The following GIT2 variants were observed in gnomAD, a reference collection of about 807,000 sequenced individuals.
The protein encoded by GIT2 is ARF GTPase-activating protein GIT2.
Under a neutral mutation model 100.3 loss-of-function variants are expected in GIT2, and 32 were observed. The ratio of observed to expected loss-of-function variants is 0.32; its 90% CI spans 0.24 to 0.43. The LOEUF (loss-of-function observed/expected upper bound fraction) is 0.43, where lower values mean the gene tolerates loss of function less well. Among genes scored for constraint, GIT2 ranks in the 20% least tolerant of loss-of-function variants. The pLI is 1.00. For synonymous variants in GIT2, 353 were observed against 364.1 expected, an observed-to-expected ratio of 0.97 and a Z score of 0.35; for missense variants, 737 against 975.1, an observed-to-expected ratio of 0.76 and a Z score of 3.25.
chr12:109,999,778 G>T, upstream of GIT2: 1 of 1,534,068 alleles, frequency 6.5e-7, no homozygotes, highest in Non-Finnish European at 8.8e-7. The surrounding 1 kb of genome is among the most constrained non-coding windows in gnomAD (Gnocchi z 4.3). Flanking sequence ...AGGAGCTGCA[G>T]GGCCAGGTGA....
chr12:109,935,378 G>A (rs1266876516), intron 18 of GIT2, among the ~76,000 whole-genome samples: 4 of 152,164 alleles, frequency 2.6e-5, no homozygotes, highest in Non-Finnish European at 5.9e-5. Context: ...CACAGTGACT[G>A]AGAACCACAC....
chr12:109,985,289 AAAAAAAC>A (rs1035115140), intron 4 of GIT2, among the ~76,000 whole-genome samples: 11 of 152,216 alleles, frequency 7.2e-5, no homozygotes, highest in Non-Finnish European at 1.6e-4. Flanking sequence ...TGGCAAGGAA[AAAAAAAC>A]AAAAAACAAA....
rs1876867373 is a variant in GIT2, at chr12:109,948,221, C to T, written c.1393-717G>A. 1 of 985,432 alleles carries T rather than the reference C, an allele frequency of 1.0e-6. No homozygotes were observed. The highest frequency in any genetic ancestry group is 6.1e-5 in the Admixed American group (1 of 16,308). 61.0% of individuals were successfully genotyped at this position (985,432 alleles called of 1,614,324 possible). ...GAAACCTATTGATCTATGGAATTGA[C>T]ATCTTCGCATGGATGCTCCACGCAG... On this transcript the variant is annotated intron_variant, in intron 14 of 19. Coordinates refer to ENST00000355312, the MANE Select transcript of GIT2 (RefSeq NM_057169.5). This position sits in a 1 kb window ranked among gnomAD's most constrained non-coding sequence, Gnocchi z 4.3.
At position 109,945,260 on chromosome 12, in the gene GIT2, CCTTCGGGCG is replaced by C; in HGVS notation, c.1722_1730del (p.Ser574_Arg576del). ...GCAGACCATTCAGAATGTACTTAAC[CCTTCGGGCG>C]CTTTCGTCCCTCGACCAGGAAAGTG... On this transcript the variant is annotated inframe_deletion and splice_region_variant, in exon 16 of 20. Transcript: ENST00000355312. The C allele has an allele frequency of 6.8e-7, 1 of 1,478,054 alleles. No individual in the cohort carries two copies. Among genetic ancestry groups the C allele is most frequent in the Admixed American group, 1.7e-5 (1 of 59,572 alleles). 91.6% of individuals were successfully genotyped at this position (1,478,054 alleles called of 1,614,324 possible).
In GIT2 at chr12:109,931,663, A is replaced by C. The variant is rs1422554577; in HGVS notation, c.*1315T>G. The C allele has an allele frequency of 2.6e-5, 4 of 152,064 alleles. No individual in the cohort carries two copies. The highest frequency in any genetic ancestry group is 5.9e-5 in the Non-Finnish European group (4 of 68,076). The allele number at this position is 152,064 out of a possible 1,614,324, so 9.4% of individuals were successfully genotyped here. Reference sequence around the variant, plus strand: ...TGCTGCCGTGTACCTGGCTCCCTTCACTCATCCACATCACCGGCCCTAGGC... The same window carrying C: ...TGCTGCCGTGTACCTGGCTCCCTTCCCTCATCCACATCACCGGCCCTAGGC... On this transcript the variant is annotated 3_prime_UTR_variant, in exon 20 of 20. Transcript: ENST00000355312.
At chr12:109,977,087 T>C (rs551171983) in intron 7 of GIT2, among the ~76,000 whole-genome samples, 3 of 152,144 alleles carry the variant, frequency 2.0e-5, no homozygotes, top group African/African-American at 7.2e-5. Context: ...AGAATAATTC[T>C]TTTTTTTCCT....
At chr12:109,999,622 C>T, upstream of GIT2, 4 of 1,336,550 alleles carry the variant, frequency 3.0e-6, no homozygotes, top group Non-Finnish European at 3.0e-6. The surrounding 1 kb of genome is among the most constrained non-coding windows in gnomAD (Gnocchi z 4.3). Context: ...GGCAGGCGGG[C>T]GCGGGAGACC....
At chr12:109,985,351 G>A (rs1390155421) in intron 4 of GIT2, among the ~76,000 whole-genome samples, 1 of 151,976 alleles carries the variant, frequency 6.6e-6, no homozygotes, top group Non-Finnish European at 1.5e-5. Context: ...GAAGTAGCTA[G>A]TATATGCATT....
rs76802856 is a variant in GIT2 at position 109,948,963 on chromosome 12, C to T, written c.1393-1459G>A. On this transcript the variant is annotated intron_variant, in intron 14 of 19. Coordinates refer to ENST00000355312, the MANE Select transcript of GIT2 (RefSeq NM_057169.5). The surrounding 1 kb of genome is among the most constrained non-coding windows in gnomAD (Gnocchi z 4.3). ...ACATCTTTGCTAAATAAACAAATTC[C>T]ATATACTTTATATTAATCATGCCAA... is the stretch of plus-strand genomic sequence containing the variant. 1,969 of 682,162 alleles carry T rather than the reference C, an allele frequency of 2.9e-3. 44 individuals are homozygous for T. The African/African-American group carries it at 0.032, about 11-fold the overall frequency. 42.3% of individuals were successfully genotyped at this position (682,162 alleles called of 1,614,324 possible).
Position 109,933,133 on chromosome 12 carries a change from G to A in GIT2, c.2125C>T (p.Arg709Ter). ...SLRLLTSSAY[R>*]LQSECKKTLP... is the part of the protein sequence containing the mutation. ...GTCTTCTTGCACTCTGACTGCAGTC[G>A]GTAGGCACTGGACGTCAGTAAACGA... is the stretch of plus-strand genomic sequence containing the variant. The change falls in exon 20 of 20, where the codon CGA becomes TGA. Residue 709 changes from arginine to a stop codon, truncating the protein, a stop_gained. Coordinates refer to ENST00000355312, the MANE Select transcript of GIT2 (RefSeq NM_057169.5). LOFTEE classifies it high-confidence loss of function. The surrounding 1 kb of genome is among the most constrained non-coding windows in gnomAD (Gnocchi z 4.5). 1 of 1,604,606 alleles carries A rather than the reference G, an allele frequency of 6.2e-7. No homozygotes were observed. Among genetic ancestry groups the A allele is most frequent in the Non-Finnish European group, 8.5e-7 (1 of 1,175,122 alleles).
At chr12:109,978,076 GTTTTTT>G (rs111855474) in intron 7 of GIT2, among the ~76,000 whole-genome samples, 1 of 93,498 alleles carries the variant, frequency 1.1e-5, no homozygotes, top group African/African-American at 4.1e-5. Context: ...AAATTTAGAG[GTTTTTT>G]TTTTTTTTTT....
intron 7 of GIT2, among the ~76,000 whole-genome samples, chr12:109,969,983 T>C (rs1883453716): frequency 6.6e-6 from 1 of 151,698 alleles, no homozygotes; most frequent in Non-Finnish European, 1.5e-5. Context: ...CTCAAACTCC[T>C]GACCTCAGGT....
At chr12:109,954,492 C>T (rs768448731) in intron 12 of GIT2, 1 of 152,118 alleles carries the variant, frequency 6.6e-6, no homozygotes, top group African/African-American at 2.4e-5. Context: ...CTACCCAAGT[C>T]TCTCTGATTT....
chr12:109,975,142 T>G (rs1486100892), intron 7 of GIT2, among the ~76,000 whole-genome samples: 1 of 152,222 alleles, frequency 6.6e-6, no homozygotes, highest in Non-Finnish European at 1.5e-5. Flanking sequence ...GTTTTTAACT[T>G]ATTACCTATA....
intron 4 of GIT2, among the ~76,000 whole-genome samples, chr12:109,986,785 AC>A (rs1887471436): frequency 1.3e-5 from 2 of 150,038 alleles, no homozygotes; most frequent in African/African-American, 4.9e-5. Flanking sequence ...AAACAAACAA[AC>A]AAACAAAAAA....
chr12:109,937,350 C>A (rs1156980995), intron 18 of GIT2, among the ~76,000 whole-genome samples: 1 of 152,122 alleles, frequency 6.6e-6, no homozygotes, highest in Non-Finnish European at 1.5e-5. Flanking sequence ...GCACAGCATC[C>A]CTTGAATACT....
intron 6 of GIT2, 109 bp downstream of exon 6, chr12:109,983,264 A>G: frequency 1.0e-6 from 1 of 958,952 alleles, no homozygotes; most frequent in Non-Finnish European, 1.6e-6. Flanking sequence ...AAAATAACGT[A>G]CATCTTTAAA....
At position 109,933,947 on chromosome 12, in the gene GIT2, A is replaced by C; in HGVS notation, c.2067+75T>G. The C allele has an allele frequency of 3.6e-6, 3 of 841,292 alleles. No individual in the cohort carries two copies. The highest frequency in any genetic ancestry group is 6.3e-6 in the Non-Finnish European group (3 of 475,326). 52.1% of individuals were successfully genotyped at this position (841,292 alleles called of 1,614,324 possible). ...GCATGTGCTACAAAAAAGCTAATGT[A>C]ATATATAGGTCATAAAGAAATTTCT... On this transcript the variant is annotated intron_variant, in intron 19 of 19. Transcript: ENST00000355312. The surrounding 1 kb of genome is among the most constrained non-coding windows in gnomAD (Gnocchi z 4.5).
intron 4 of GIT2, among the ~76,000 whole-genome samples, chr12:109,986,405 G>A (rs1887384346): frequency 6.6e-6 from 1 of 152,198 alleles, no homozygotes; most frequent in South Asian, 2.1e-4. Flanking sequence ...GCTGAAACAG[G>A]CGGATCATGA....
Sources: gnomAD v4.1 joint callset for allele counts (sites outside exome capture counted in the v4.1 genomes callset) on GRCh38, gnomAD v4.1.1 for gene constraint, Gnocchi (gnomAD v3.1) non-coding constraint, MANE v1.5 for transcripts, NCBI Gene and HGNC (gene_info 2026-07-23, HGNC 2026-07-21) for gene names.